Variants in ZNF469 observed in about 807,000 individuals in gnomAD.
The protein encoded by ZNF469 is zinc finger protein 469.
Under a neutral mutation model 1.0 loss-of-function variants are expected in ZNF469, and 1 was observed. The ratio of observed to expected loss-of-function variants is 1.00; its 90% CI spans 0.35 to 4.73. The LOEUF (loss-of-function observed/expected upper bound fraction) is 4.73, where lower values mean the gene tolerates loss of function less well. ZNF469 is among the 30% of genes most tolerant of loss of function. The pLI is 0.16. For missense variants in ZNF469, 6,100 were observed against 5,356.3 expected (o/e 1.14, Z -4.33); for synonymous variants, 2,703 against 2,363.4 (o/e 1.14, Z -4.17).
the ZNF469 span, among the ~76,000 whole-genome samples, chr16:88,254,896 T>C: frequency 1.3e-5 from 2 of 152,310 alleles, no homozygotes; most frequent in African/African-American, 4.8e-5. Context: ...ACAGATAAAT[T>C]TTGGGGAAAA....
At chr16:88,403,965 C>T (rs1003683198) in intron 1 of ZNF469, among the ~76,000 whole-genome samples, 3 of 152,284 alleles carry the variant, frequency 2.0e-5, no homozygotes, top group East Asian at 1.9e-4. Flanking sequence ...TGCTGCAGGG[C>T]CCCCCAGAGG....
At chr16:88,368,389 C>T in the ZNF469 span, among the ~76,000 whole-genome samples, 2 of 152,210 alleles carry the variant, frequency 1.3e-5, no homozygotes, top group African/African-American at 2.4e-5. Flanking sequence ...CTTGCAGGGG[C>T]TCTGCGAGGT....
At chr16:88,193,024 GT>G in the ZNF469 span, among the ~76,000 whole-genome samples, 1 of 62,324 alleles carries the variant, frequency 1.6e-5, no homozygotes, top group African/African-American at 7.0e-5. Context: ...GGTGGTGGTG[GT>G]GATGGTGGTG....
the ZNF469 span, among the ~76,000 whole-genome samples, chr16:88,217,436 T>G: frequency 6.6e-6 from 1 of 152,286 alleles, no homozygotes; most frequent in East Asian, 1.9e-4. Flanking sequence ...GTGTTGAAAT[T>G]TCTTTTTTTT....
the ZNF469 span, among the ~76,000 whole-genome samples, chr16:88,108,167 G>A: frequency 6.8e-6 from 1 of 146,608 alleles, no homozygotes; most frequent in Admixed American, 6.7e-5. Context: ...CCACGTCTGT[G>A]GGGATGTGGG....
chr16:88,433,126 A>G lies in ZNF469; in HGVS notation c.5656A>G (p.Asn1886Asp). 6.5e-7 allele frequency: 1 copy of G among 1,550,210 alleles called. No homozygotes were observed. Among genetic ancestry groups the G allele is most frequent in the Admixed American group, 2.0e-5 (1 of 51,004 alleles). ...TGTGCCAAGTCCCGCCTGTGTATCCAACACCCACCCTAGCAGGAGGTCCCA... is the reference window on the plus strand; with the variant it reads ...TGTGCCAAGTCCCGCCTGTGTATCCGACACCCACCCTAGCAGGAGGTCCCA... ...VPVPSPACVS[N>D]THPSRRSQDP... is the part of the protein sequence containing the mutation. Residue 1886 changes from asparagine to aspartate, a missense_variant, in exon 3 of 3, where the codon AAC (asparagine) becomes GAC (aspartate). Transcript: ENST00000565624.
In ZNF469 at chr16:88,436,575, C is replaced by A; in HGVS notation, c.9105C>A (p.Asn3035Lys). The A allele has an allele frequency of 6.5e-7, 1 of 1,542,364 alleles. No individual in the cohort carries two copies. The highest frequency in any genetic ancestry group is 8.8e-7 in the Non-Finnish European group (1 of 1,141,572). Residue 3035 changes from asparagine to lysine, a missense_variant, in exon 3 of 3, where the codon AAC (asparagine) becomes AAA (lysine). Coordinates refer to ENST00000565624, the MANE Select transcript of ZNF469 (RefSeq NM_001367624.2). ...GCTGTGACGGTGGGCTTCCCGGGAA[C>A]ACCCACCTGCTGCCGCTCCGTGCCA... The part of the protein sequence containing the change: ...RERCDGGLPG[N>K]THLLPLRATD...
At position 88,383,144 on chromosome 16, in the gene ZNF469, C is replaced by G. The variant is rs1394044182; in HGVS notation, c.-302C>G. Reference sequence around the variant, plus strand: ...CCGGCGGGCGGGCGGCCCGGGCGGGCCTGCGGTCGGGATGAGGACGGCGCC... The same window carrying G: ...CCGGCGGGCGGGCGGCCCGGGCGGGGCTGCGGTCGGGATGAGGACGGCGCC... On this transcript the variant is annotated 5_prime_UTR_variant, in exon 1 of 3. Transcript: ENST00000565624. 1.3e-5 allele frequency among the ~76,000 whole-genome samples: 2 copies of G among 148,162 alleles called. No individual in the cohort carries two copies. Among genetic ancestry groups the G allele is most frequent in the African/African-American group, 4.9e-5 (2 of 40,958 alleles).
Position 88,428,158 on chromosome 16 carries a change from A to T in ZNF469, c.688A>T (p.Ser230Cys). 6.5e-7 allele frequency: 1 copy of T among 1,550,202 alleles called. No homozygotes were observed. Among genetic ancestry groups the T allele is most frequent in the South Asian group, 1.2e-5 (1 of 84,058 alleles). Residue 230 changes from serine (S) to cysteine (C), a missense_variant, in exon 3 of 3, where the codon AGT becomes TGT. Transcript: ENST00000565624. ...CGGTTCCTATCCCGAATACCAGGCC[A>T]GTGGGGCCGACTCCTGGCCTCCCGC... The part of the protein sequence containing the change: ...QPGSYPEYQA[S>C]GADSWPPAAE...
At chr16:88,421,056 A>G (rs187450843) in intron 1 of ZNF469, among the ~76,000 whole-genome samples, 105 of 152,008 alleles carry the variant, frequency 6.9e-4, no homozygotes, top group Middle Eastern at 3.4e-3. Context: ...ATTGGGGAGA[A>G]CCTGGCTCTC....
chr16:88,205,456 C>G, the ZNF469 span, among the ~76,000 whole-genome samples: 1 of 152,282 alleles, frequency 6.6e-6, no homozygotes, highest in Non-Finnish European at 1.5e-5. The surrounding 1 kb of genome is among the most constrained non-coding windows in gnomAD (Gnocchi z 4.2). Context: ...GGATTCTAAT[C>G]CTGTATTCAA....
chr16:88,225,105 C>T, the ZNF469 span, among the ~76,000 whole-genome samples: 14 of 152,254 alleles, frequency 9.2e-5, no homozygotes, highest in Admixed American at 2.0e-4. Context: ...GGGCGCCTGG[C>T]GCAGGGATCA....
At chr16:88,241,915 G>T in the ZNF469 span, among the ~76,000 whole-genome samples, 2 of 152,242 alleles carry the variant, frequency 1.3e-5, no homozygotes, top group African/African-American at 4.8e-5. This position sits in a 1 kb window ranked among gnomAD's most constrained non-coding sequence, Gnocchi z 4.8. Flanking sequence ...TTCTGGGAAT[G>T]TGTGGGAGAT....
chr16:88,118,642 A>G, the ZNF469 span, among the ~76,000 whole-genome samples: 4 of 152,222 alleles, frequency 2.6e-5, no homozygotes, highest in Non-Finnish European at 5.9e-5. Flanking sequence ...GCGCTGATCC[A>G]GGCTCAGATT....
chr16:88,315,386 C>T, the ZNF469 span, among the ~76,000 whole-genome samples: 1 of 152,214 alleles, frequency 6.6e-6, no homozygotes, highest in Non-Finnish European at 1.5e-5. Flanking sequence ...AAGTGGGGGC[C>T]GTCATCTTCT....
At chr16:88,109,883 C>T in the ZNF469 span, among the ~76,000 whole-genome samples, 1 of 152,246 alleles carries the variant, frequency 6.6e-6, no homozygotes, top group Non-Finnish European at 1.5e-5. Flanking sequence ...CCAGCTTGCT[C>T]ACCTTTGGCC....
At chr16:88,213,728 T>C in the ZNF469 span, among the ~76,000 whole-genome samples, 1 of 151,994 alleles carries the variant, frequency 6.6e-6, no homozygotes, top group African/African-American at 2.4e-5. Context: ...TTTCCGGGAG[T>C]CAGGGCTCTT....
the ZNF469 span, among the ~76,000 whole-genome samples, chr16:88,272,398 A>T: frequency 3.5e-5 from 5 of 144,024 alleles, no homozygotes; most frequent in African/African-American, 1.0e-4. Context: ...ATGGATGGTG[A>T]CTGGATGGAT....
the ZNF469 span, among the ~76,000 whole-genome samples, chr16:88,107,509 G>A: frequency 3.3e-5 from 5 of 152,204 alleles, no homozygotes; most frequent in African/African-American, 1.2e-4. Flanking sequence ...CCCTCCACAC[G>A]TGAGGATCAT....
Sources: allele counts gnomAD v4.1 joint callset (sites outside exome capture counted in the v4.1 genomes callset), GRCh38; gene constraint gnomAD v4.1.1; non-coding constraint Gnocchi (gnomAD v3.1); transcripts MANE v1.5; gene names NCBI Gene and HGNC (gene_info 2026-07-23, HGNC 2026-07-21).